Variants in ALDH1L1 observed in about 807,000 individuals in gnomAD.
ALDH1L1 encodes aldehyde dehydrogenase 1 family member L1.
Under a neutral mutation model 101.1 loss-of-function variants are expected in ALDH1L1, and 68 were observed. The ratio of observed to expected loss-of-function variants is 0.67; its 90% CI spans 0.55 to 0.82. The LOEUF is 0.82. Ranked by LOEUF, ALDH1L1 falls within the 40% of genes least tolerant of loss-of-function variation. The pLI, the probability that ALDH1L1 is intolerant of heterozygous loss-of-function variation, is 0.00. For synonymous variants in ALDH1L1, 486 were observed against 470.8 expected, an observed-to-expected ratio of 1.03 and a Z score of -0.42; for missense variants, 1,087 against 1,172.7, an observed-to-expected ratio of 0.93 and a Z score of 1.07.
intron 19 of ALDH1L1, among the ~76,000 whole-genome samples, chr3:126,111,536 G>A (rs926240356): frequency 1.4e-4 from 21 of 152,184 alleles, no homozygotes; most frequent in Admixed American, 5.9e-4. Context: ...CTGAGGGCAG[G>A]GCTTCATTTC....
At chr3:126,126,429 C>T (rs890683213) in intron 14 of ALDH1L1, among the ~76,000 whole-genome samples, 1 of 152,172 alleles carries the variant, frequency 6.6e-6, no homozygotes, top group Non-Finnish European at 1.5e-5. Flanking sequence ...CACAGAGCCC[C>T]GTAGACCACG....
chr3:126,111,408 A>C (rs6438972), intron 19 of ALDH1L1, among the ~76,000 whole-genome samples: 11 of 152,112 alleles, frequency 7.2e-5, no homozygotes, highest in Admixed American at 7.2e-4. Context: ...CCACGAAGCC[A>C]CCCGCTGCCC....
At chr3:126,118,976 G>A (rs1868130) in intron 16 of ALDH1L1, among the ~76,000 whole-genome samples, 56,314 of 151,922 alleles carry the variant, frequency 0.37, 11,080 homozygotes, top group Non-Finnish European at 0.44. Flanking sequence ...GCTCCCTGAC[G>A]CTGCCTCCTC....
At chr3:126,162,732 T>C (rs1255980854) in intron 1 of ALDH1L1, among the ~76,000 whole-genome samples, 1 of 152,226 alleles carries the variant, frequency 6.6e-6, no homozygotes, top group Non-Finnish European at 1.5e-5. Context: ...TTATGTTTAG[T>C]GGTTCTTGTA....
intron 10 of ALDH1L1, 60 bp from the exon 11 acceptor site, chr3:126,136,943 G>A: frequency 6.2e-7 from 1 of 1,603,158 alleles, no homozygotes; most frequent in Admixed American, 1.7e-5. Flanking sequence ...AGCATACACA[G>A]ATGGCCACAC....
At chr3:126,164,668 C>T (rs4521172) in intron 1 of ALDH1L1, among the ~76,000 whole-genome samples, 79,674 of 152,090 alleles carry the variant, frequency 0.52, 21,455 homozygotes, top group Middle Eastern at 0.6. Flanking sequence ...GTGAATAGTC[C>T]AACGACGAAC....
At chr3:126,169,289 G>A (rs186624337) in intron 1 of ALDH1L1, among the ~76,000 whole-genome samples, 1 of 152,222 alleles carries the variant, frequency 6.6e-6, no homozygotes, top group African/African-American at 2.4e-5. Context: ...AGAATTTAAA[G>A]CGTGTTTTTT....
chr3:126,172,401 AG>A (rs2081295559), intron 1 of ALDH1L1, among the ~76,000 whole-genome samples: 1 of 152,240 alleles, frequency 6.6e-6, no homozygotes, highest in Non-Finnish European at 1.5e-5. Flanking sequence ...AATCAAAAAA[AG>A]TCTAGAAATA....
Position 126,109,978 on chromosome 3 carries a change from T to C in ALDH1L1, c.2313A>G (p.Thr771=). ...GGACCTGATTCCCGCCGCAGACCAGTGTGGCCCCTTCCTTCACGCCATGCT... is the reference window on the plus strand; with the variant it reads ...GGACCTGATTCCCGCCGCAGACCAGCGTGGCCCCTTCCTTCACGCCATGCT... ...YCQHGVKEGA[T]LVCGGNQVPR... Residue 771 remains threonine (T), a synonymous_variant, in exon 20 of 23, where the codon ACA becomes ACG. Transcript: ENST00000393434. 1 of 1,614,194 alleles carries C rather than the reference T, an allele frequency of 6.2e-7. No homozygotes were observed. Among genetic ancestry groups the C allele is most frequent in the Non-Finnish European group, 8.5e-7 (1 of 1,180,032 alleles).
intron 4 of ALDH1L1, 45 bp from the exon 5 acceptor site, chr3:126,155,548 C>A: frequency 6.5e-7 from 1 of 1,532,846 alleles, no homozygotes. Flanking sequence ...TAGGACCCTG[C>A]CTCCTTCCCA....
At chr3:126,159,743 T>A (rs1034075322) in intron 2 of ALDH1L1, among the ~76,000 whole-genome samples, 1 of 152,040 alleles carries the variant, frequency 6.6e-6, no homozygotes. Context: ...AGTGGTCACT[T>A]AGTGGCTGGG....
chr3:126,191,654 T>C (rs1347009743), intron 1 of ALDH1L1, among the ~76,000 whole-genome samples: 1 of 152,232 alleles, frequency 6.6e-6, no homozygotes, highest in Non-Finnish European at 1.5e-5. Flanking sequence ...AGAAAACCTC[T>C]TCACTGTCTT....
At chr3:126,195,546 C>G (rs1171059188) in intron 1 of ALDH1L1, among the ~76,000 whole-genome samples, 2 of 152,192 alleles carry the variant, frequency 1.3e-5, no homozygotes, top group Non-Finnish European at 2.9e-5. Context: ...TTGTGGAAGA[C>G]AGTGTGGCAA....
chr3:126,180,558 C>A lies in ALDH1L1; in HGVS notation c.-106G>T, dbSNP rs547846318. On this transcript the variant is annotated 5_prime_UTR_variant, in exon 1 of 23. Transcript: ENST00000393434. Reference sequence around the variant, plus strand: ...CCCGAAACTGAGGTTGGTGCAGACCCGTCCTGGGAGCCAGGAGGTGGGACC... The same window carrying A: ...CCCGAAACTGAGGTTGGTGCAGACCAGTCCTGGGAGCCAGGAGGTGGGACC... The A allele has an allele frequency of 7.2e-6, 8 of 1,110,178 alleles. No homozygotes were observed. Among genetic ancestry groups the A allele is most frequent in the African/African-American group, 1.6e-5 (1 of 62,530 alleles). The allele number at this position is 1,110,178 out of a possible 1,614,324, so 68.8% of individuals were successfully genotyped here.
chr3:126,114,492 C>T, intron 18 of ALDH1L1, 65 bp downstream of exon 18: 2 of 1,277,626 alleles, frequency 1.6e-6, no homozygotes, highest in Non-Finnish European at 1.0e-6. Context: ...AGAGACAGGG[C>T]CTCCTGGTCC....
chr3:126,122,421 A>G (rs1025088882), intron 16 of ALDH1L1, among the ~76,000 whole-genome samples: 8 of 152,176 alleles, frequency 5.3e-5, no homozygotes, highest in African/African-American at 1.9e-4. Context: ...AGCAGAAAGG[A>G]GGTAGGTGGG....
chr3:126,109,195 G>T (rs564799804), intron 20 of ALDH1L1, among the ~76,000 whole-genome samples: 1 of 152,302 alleles, frequency 6.6e-6, no homozygotes, highest in East Asian at 1.9e-4. Flanking sequence ...TGCAAGGCCC[G>T]GTCTAGGCAC....
At chr3:126,106,638 C>T (rs1014536979) in intron 21 of ALDH1L1, among the ~76,000 whole-genome samples, 1 of 152,200 alleles carries the variant, frequency 6.6e-6, no homozygotes, top group African/African-American at 2.4e-5. Flanking sequence ...AACCAGGTGC[C>T]TCGGCAACCC....
rs201820228 is a variant in ALDH1L1 at position 126,137,992 on chromosome 3, G to A, written c.1077-32C>T. The stretch of plus-strand genomic sequence containing the variant: ...GAAGGAGATGGAAAGATGGGGACAC[G>A]GGAGGGGCTCAGCAGGCCTGCATCG... On this transcript the variant is annotated intron_variant, in intron 9 of 22. Transcript: ENST00000393434. The A allele has an allele frequency of 2.5e-5, 40 of 1,612,924 alleles. No homozygotes were observed. In the Admixed American group the frequency reaches 4.3e-4, roughly 17 times the overall value.
Sources: gnomAD v4.1 joint callset for allele counts (sites outside exome capture counted in the v4.1 genomes callset) on GRCh38, gnomAD v4.1.1 for gene constraint, MANE v1.5 for transcripts, NCBI Gene and HGNC (gene_info 2026-07-23, HGNC 2026-07-21) for gene names.